PDZD8: variants seen among roughly 807,000 people sequenced by gnomAD.
PDZD8 encodes the protein PDZ domain-containing protein 8.
A neutral mutation model predicts 85.8 loss-of-function variants in PDZD8; 14 were observed. That is an observed-to-expected ratio of 0.16 (90% CI 0.11 to 0.26). The LOEUF (loss-of-function observed/expected upper bound fraction) is 0.26. Ranked by LOEUF, PDZD8 falls within the 10% of genes least tolerant of loss-of-function variation. PDZD8 has a pLI of 1.00. For synonymous variants in PDZD8, 592 were observed against 568.6 expected, an observed-to-expected ratio of 1.04 and a Z score of -0.59; for missense variants, 1,197 against 1,424.3, an observed-to-expected ratio of 0.84 and a Z score of 2.57.
chr10:117,306,419 A>C (rs1843944830), intron 3 of PDZD8, among the ~76,000 whole-genome samples: 1 of 152,146 alleles, frequency 6.6e-6, no homozygotes, highest in South Asian at 2.1e-4. Context: ...AATAAATTTA[A>C]ATTTTATACT....
At chr10:117,285,911 G>T in intron 4 of PDZD8, 1 of 179,408 alleles carries the variant, frequency 5.6e-6, no homozygotes, top group Non-Finnish European at 1.1e-5. Context: ...AAATACTCCA[G>T]GGATTACAAG....
At chr10:117,339,160 G>T (rs1458661307) in intron 2 of PDZD8, among the ~76,000 whole-genome samples, 2 of 143,310 alleles carry the variant, frequency 1.4e-5, no homozygotes, top group African/African-American at 5.2e-5. Flanking sequence ...AAAGGATTAA[G>T]TATATTATTA....
intron 4 of PDZD8, among the ~76,000 whole-genome samples, chr10:117,288,347 C>A (rs1844701789): frequency 9.5e-6 from 1 of 105,588 alleles, no homozygotes; most frequent in Non-Finnish European, 2.1e-5. Context: ...ATTTTTGTTT[C>A]CTAAACAAAA....
Position 117,347,374 on chromosome 10 carries a change from T to A in PDZD8, c.873-6272A>T, listed in dbSNP as rs1332193297. On this transcript the variant is annotated intron_variant, in intron 1 of 4. Coordinates refer to ENST00000334464, the MANE Select transcript of PDZD8 (RefSeq NM_173791.5). ...CCCAGGTTTTAGATAAACTCAACCA[T>A]CAACCAGAAAATTTTAAAATCTACC... Among the ~76,000 whole-genome samples, 3 of 152,318 alleles carry A rather than the reference T, an allele frequency of 2.0e-5. No individual in the cohort carries two copies. In the South Asian group the frequency reaches 6.2e-4, roughly 32 times the overall value.
intron 3 of PDZD8, among the ~76,000 whole-genome samples, chr10:117,305,445 CACACACACACATATATACACACACAT>C (rs1843919630): frequency 6.9e-6 from 1 of 145,504 alleles, no homozygotes; most frequent in Non-Finnish European, 1.5e-5. Context: ...AAAATACACA[CACACACACACATATATACACACACAT>C]ACACACACAC....
At chr10:117,320,707 T>C (rs1249372720) in intron 2 of PDZD8, among the ~76,000 whole-genome samples, 1 of 152,020 alleles carries the variant, frequency 6.6e-6, no homozygotes, top group East Asian at 1.9e-4. Context: ...TAGGAAAGTT[T>C]TAAAGTAAAT....
Position 117,277,476 on chromosome 10 carries a change from T to A in PDZD8, c.*5792A>T. 3.1e-6 allele frequency: 1 copy of A among 322,326 alleles called. No homozygotes were observed. The highest frequency in any genetic ancestry group is 4.8e-5 in the Admixed American group (1 of 20,800). The allele number at this position is 322,326 out of a possible 1,614,324, so 20.0% of individuals were successfully genotyped here. ...TTCTAGGGGTTTGTATAAATAGTGT[T>A]GAAACTTTATTTTATGTATTTAATT... On this transcript the variant is annotated 3_prime_UTR_variant, in exon 5 of 5. Transcript: ENST00000334464.
intron 2 of PDZD8, among the ~76,000 whole-genome samples, chr10:117,337,027 T>G (rs1322082439): frequency 6.6e-6 from 1 of 151,576 alleles, no homozygotes; most frequent in East Asian, 1.9e-4. Context: ...AGGTGGAGCT[T>G]GCAGTGAGCC....
chr10:117,351,619 C>T (rs984397767), intron 1 of PDZD8, among the ~76,000 whole-genome samples: 65 of 152,046 alleles, frequency 4.3e-4, no homozygotes, highest in African/African-American at 1.5e-3. Context: ...ATTCATGGAG[C>T]TGAATTTTCT....
At chr10:117,352,899 C>T (rs1370776211) in intron 1 of PDZD8, among the ~76,000 whole-genome samples, 1 of 152,022 alleles carries the variant, frequency 6.6e-6, no homozygotes, top group African/African-American at 2.4e-5. Flanking sequence ...AGTGGGGTGG[C>T]CAGCTAACAG....
Position 117,284,290 on chromosome 10 carries a change from GTTCT to G in PDZD8, c.2439_2442del (p.Lys813AsnfsTer23), listed in dbSNP as rs1468455919. The G allele has an allele frequency of 1.2e-6, 2 of 1,613,856 alleles. No individual in the cohort carries two copies. Among genetic ancestry groups the G allele is most frequent in the Admixed American group, 1.7e-5 (1 of 59,958 alleles). Reference sequence around the variant, plus strand: ...ACAGAAACTTCTTCAACCAAATGGGGTTCTTTTTCTTTTTCTACGTTAGTAACTA... The same window carrying G: ...ACAGAAACTTCTTCAACCAAATGGGGTTTTCTTTTTCTACGTTAGTAACTA... On this transcript the variant is annotated frameshift_variant, in exon 5 of 5. Transcript: ENST00000334464. LOFTEE classifies it high-confidence loss of function.
chr10:117,340,303 A>G (rs1844589069), intron 2 of PDZD8, among the ~76,000 whole-genome samples: 1 of 152,172 alleles, frequency 6.6e-6, no homozygotes, highest in Admixed American at 6.5e-5. Context: ...TGCTAGGCCC[A>G]TCTGTCCAGT....
intron 3 of PDZD8, among the ~76,000 whole-genome samples, chr10:117,315,472 G>T (rs184664987): frequency 1.6e-4 from 24 of 150,474 alleles, no homozygotes; most frequent in African/African-American, 4.6e-4. Flanking sequence ...GTGCACGCCT[G>T]TAGTCCCAGC....
intron 3 of PDZD8, among the ~76,000 whole-genome samples, chr10:117,308,207 G>T (rs1843976552): frequency 6.6e-6 from 1 of 151,960 alleles, no homozygotes; most frequent in South Asian, 2.1e-4. Flanking sequence ...CCTTATAACA[G>T]CTCTTAATAA....
At chr10:117,329,585 T>G (rs1242383810) in intron 2 of PDZD8, among the ~76,000 whole-genome samples, 1 of 152,116 alleles carries the variant, frequency 6.6e-6, no homozygotes, top group African/African-American at 2.4e-5. Context: ...GGATTAAAGA[T>G]GAAACCAATG....
chr10:117,302,654 T>C (rs1360327985), intron 3 of PDZD8, among the ~76,000 whole-genome samples: 1 of 152,182 alleles, frequency 6.6e-6, no homozygotes, highest in Non-Finnish European at 1.5e-5. Context: ...TTTGGCTGTG[T>C]CCCCACCCAA....
chr10:117,333,130 A>AAAAAAAAG (rs1417025884), intron 2 of PDZD8, among the ~76,000 whole-genome samples: 1 of 149,038 alleles, frequency 6.7e-6, no homozygotes, highest in African/African-American at 2.4e-5. Flanking sequence ...AAAAAAAAAA[A>AAAAAAAAG]AAAAAAAAAA....
chr10:117,323,500 T>C (rs577683689), intron 2 of PDZD8, among the ~76,000 whole-genome samples: 6 of 152,294 alleles, frequency 3.9e-5, no homozygotes, highest in African/African-American at 9.6e-5. Context: ...CAGTAACTTA[T>C]ACTTCCTGGA....
At chr10:117,296,355 AAAG>A (rs1843758899) in intron 3 of PDZD8, among the ~76,000 whole-genome samples, 1 of 152,120 alleles carries the variant, frequency 6.6e-6, no homozygotes, top group African/African-American at 2.4e-5. Context: ...AAGGGAAATG[AAAG>A]AAGATTTAAA....
Sources: allele counts gnomAD v4.1 joint callset (sites outside exome capture counted in the v4.1 genomes callset), GRCh38; gene constraint gnomAD v4.1.1; transcripts MANE v1.5; gene names NCBI Gene and HGNC (gene_info 2026-07-23, HGNC 2026-07-21).